The following LRRC4C variants were observed in gnomAD, a reference collection of about 807,000 sequenced individuals.
The protein encoded by LRRC4C is leucine-rich repeat-containing protein 4C.
A neutral mutation model predicts 33.6 loss-of-function variants in LRRC4C; 5 were observed. The ratio of observed to expected loss-of-function variants is 0.15; its 90% CI spans 0.08 to 0.31. LRRC4C has a LOEUF of 0.31. LRRC4C is among the 10% of genes least tolerant of loss of function. The pLI, the probability that LRRC4C is intolerant of heterozygous loss-of-function variation, is 1.00. For synonymous variants in LRRC4C, 329 were observed against 302.0 expected (o/e 1.09, Z -0.93); for missense variants, 560 against 796.7 (o/e 0.70, Z 3.58).
chr11:41,000,992 A>G (rs990632339), intron 1 of LRRC4C, among the ~76,000 whole-genome samples: 1 of 152,196 alleles, frequency 6.6e-6, no homozygotes, highest in African/African-American at 2.4e-5. Flanking sequence ...AATATATGCC[A>G]TCAGTTAATC....
chr11:41,302,045 T>C (rs1295530916), intron 1 of LRRC4C, among the ~76,000 whole-genome samples: 7 of 152,226 alleles, frequency 4.6e-5, no homozygotes, highest in African/African-American at 1.2e-4. Flanking sequence ...TCCTGTAATA[T>C]AATGTAATAT....
At chr11:40,123,128 C>A (rs1354504664) in intron 6 of LRRC4C, among the ~76,000 whole-genome samples, 1 of 151,986 alleles carries the variant, frequency 6.6e-6, no homozygotes, top group Non-Finnish European at 1.5e-5. Context: ...GCCATATGAT[C>A]TCTTGTTGCA....
chr11:40,132,276 G>A (rs1394879452), intron 6 of LRRC4C, among the ~76,000 whole-genome samples: 1 of 152,182 alleles, frequency 6.6e-6, no homozygotes, highest in Non-Finnish European at 1.5e-5. Flanking sequence ...ATTTCTGAGA[G>A]TGAAAACCCA....
chr11:40,145,703 TA>T (rs1437632169), intron 5 of LRRC4C, among the ~76,000 whole-genome samples: 1 of 152,210 alleles, frequency 6.6e-6, no homozygotes, highest in East Asian at 1.9e-4. Context: ...TATAGCAGTT[TA>T]AATATTACCA....
intron 2 of LRRC4C, among the ~76,000 whole-genome samples, chr11:40,740,468 C>A (rs900216135): frequency 6.6e-6 from 1 of 151,636 alleles, no homozygotes; most frequent in Non-Finnish European, 1.5e-5. Context: ...AATTCATGTC[C>A]TTTTTCCATT....
chr11:40,114,411 G>C lies in LRRC4C; in HGVS notation c.1882C>G (p.Arg628Gly). The change falls in exon 7 of 7, where the codon CGA becomes GGA. Residue 628 changes from arginine (R) to glycine (G), a missense_variant. Physicochemically the swap from Arg to Gly is moderately radical, Grantham distance 125. This residue lies in a region of LRRC4C where 103 missense variants were observed against 132.1 expected (regional missense o/e 0.78). Transcript: ENST00000528697. Reference sequence around the variant, plus strand: ...TGTACATTGTCTTTAGAGTTCATTCGGATCAATAACGGTTCATGCACTGAA... The same window carrying C: ...TGTACATTGTCTTTAGAGTTCATTCCGATCAATAACGGTTCATGCACTGAA... ...HSSVHEPLLI[R>G]MNSKDNVQET... is the part of the protein sequence containing the mutation. 6.2e-7 allele frequency: 1 copy of C among 1,613,564 alleles called. No individual in the cohort carries two copies. The highest frequency in any genetic ancestry group is 8.5e-7 in the Non-Finnish European group (1 of 1,179,896).
intron 1 of LRRC4C, among the ~76,000 whole-genome samples, chr11:41,082,210 C>T (rs1007001794): frequency 1.1e-4 from 16 of 152,162 alleles, no homozygotes; most frequent in Non-Finnish European, 1.8e-4. Context: ...GAAGTGGAAT[C>T]AGCTTCTATA....
At chr11:40,223,112 A>G (rs1864538267) in intron 5 of LRRC4C, among the ~76,000 whole-genome samples, 1 of 152,198 alleles carries the variant, frequency 6.6e-6, no homozygotes, top group Non-Finnish European at 1.5e-5. Flanking sequence ...AAAGACTTTG[A>G]ATGGCAGGGT....
At chr11:41,006,905 T>C (rs893392004) in intron 1 of LRRC4C, among the ~76,000 whole-genome samples, 8 of 152,158 alleles carry the variant, frequency 5.3e-5, no homozygotes, top group African/African-American at 1.9e-4. Context: ...AAAGAAATCC[T>C]CAAAGGTAAG....
intron 4 of LRRC4C, among the ~76,000 whole-genome samples, chr11:40,289,398 A>G (rs907766529): frequency 2.0e-5 from 3 of 152,210 alleles, no homozygotes; most frequent in African/African-American, 7.2e-5. Flanking sequence ...CAGGGAAATT[A>G]AAAGTATTGT....
At chr11:41,069,880 T>C (rs559004181) in intron 1 of LRRC4C, among the ~76,000 whole-genome samples, 4 of 152,290 alleles carry the variant, frequency 2.6e-5, no homozygotes, top group African/African-American at 9.6e-5. Flanking sequence ...TTCATTAAAC[T>C]ACCATTGACA....
chr11:41,082,713 C>T (rs916026182), intron 1 of LRRC4C, among the ~76,000 whole-genome samples: 1 of 152,134 alleles, frequency 6.6e-6, no homozygotes, highest in African/African-American at 2.4e-5. Context: ...CTATACACTC[C>T]TTCCTTGTTT....
At chr11:41,040,637 G>A (rs1857376372) in intron 1 of LRRC4C, among the ~76,000 whole-genome samples, 2 of 152,124 alleles carry the variant, frequency 1.3e-5, no homozygotes. Context: ...TTCAAATAAA[G>A]GGAAAGTCTT....
At chr11:41,164,161 T>A (rs553195882) in intron 1 of LRRC4C, among the ~76,000 whole-genome samples, 1 of 151,184 alleles carries the variant, frequency 6.6e-6, no homozygotes, top group African/African-American at 2.4e-5. Context: ...TAAATCCTTA[T>A]TACATACTTC....
At chr11:40,588,616 T>G (rs1277424937) in intron 3 of LRRC4C, among the ~76,000 whole-genome samples, 1 of 151,970 alleles carries the variant, frequency 6.6e-6, no homozygotes. Context: ...GGGTATTTAG[T>G]GCTATAAATT....
At chr11:41,361,045 A>T (rs1952338304) in intron 1 of LRRC4C, among the ~76,000 whole-genome samples, 1 of 152,216 alleles carries the variant, frequency 6.6e-6, no homozygotes, top group African/African-American at 2.4e-5. Context: ...AGTCTGTGTT[A>T]CAATTTAGAA....
intron 3 of LRRC4C, among the ~76,000 whole-genome samples, chr11:40,645,380 C>G (rs1013625855): frequency 3.9e-5 from 6 of 152,070 alleles, no homozygotes; most frequent in Admixed American, 3.3e-4. Context: ...TCAAGTCCAC[C>G]CTCCTCTTGC....
intron 1 of LRRC4C, among the ~76,000 whole-genome samples, chr11:40,935,893 C>T (rs954347129): frequency 6.6e-6 from 1 of 150,480 alleles, no homozygotes; most frequent in African/African-American, 2.4e-5. Flanking sequence ...GTCTCAGGTC[C>T]TCAGCTATAA....
intron 1 of LRRC4C, among the ~76,000 whole-genome samples, chr11:41,197,621 A>G (rs1433330868): frequency 6.6e-6 from 1 of 151,964 alleles, no homozygotes; most frequent in Non-Finnish European, 1.5e-5. Context: ...CCAGAGACAG[A>G]TGGAATTTTT....
Sources: allele counts gnomAD v4.1 joint callset (sites outside exome capture counted in the v4.1 genomes callset), GRCh38; gene constraint gnomAD v4.1.1; regional missense constraint gnomAD v4.1.1; transcripts MANE v1.5; gene names NCBI Gene and HGNC (gene_info 2026-07-23, HGNC 2026-07-21).